HYI: variants seen among roughly 807,000 people sequenced by gnomAD.
HYI encodes hydroxypyruvate isomerase (putative), also known as putative hydroxypyruvate isomerase.
Under a neutral mutation model 39.7 loss-of-function variants are expected in HYI, and 47 were observed. That is an observed-to-expected ratio of 1.18 (90% CI 0.94 to 1.51). The LOEUF (loss-of-function observed/expected upper bound fraction) is 1.51, where lower values mean the gene tolerates loss of function less well. Ranked by LOEUF, HYI falls within the 40% of genes most tolerant of loss-of-function variation. The pLI is 0.00. For synonymous variants in HYI, 186 were observed against 158.8 expected, an observed-to-expected ratio of 1.17 and a Z score of -1.29; for missense variants, 465 against 370.3, an observed-to-expected ratio of 1.26 and a Z score of -2.10.
Position 43,453,646 on chromosome 1 carries a change from G to T in HYI, c.148C>A (p.Arg50Ser). Residue 50 changes from arginine (R) to serine (S), a missense_variant, in exon 1 of 8, where the codon CGC (arginine) becomes AGC (serine). Arg to Ser is a moderately radical substitution (Grantham distance 110). Transcript: ENST00000372430. ...CGCAGCCCCGCTTCTCGCGCGGCGCGCGCCAGCGCCTCAGGCGTCTCCGCG... is the reference window on the plus strand; with the variant it reads ...CGCAGCCCCGCTTCTCGCGCGGCGCTCGCCAGCGCCTCAGGCGTCTCCGCG... ...PYAETPEALA[R>S]AAREAGLRLV... 4 of 1,490,802 alleles carry T rather than the reference G, an allele frequency of 2.7e-6. No homozygotes were observed. The highest frequency in any genetic ancestry group is 3.5e-6 in the Non-Finnish European group (4 of 1,127,610). 92.3% of individuals were successfully genotyped at this position (1,490,802 alleles called of 1,614,324 possible). A position where few individuals can be genotyped will look rare whatever the true frequency, so the allele number is the denominator to read the frequency against.
chr1:43,450,649 C>T (rs1054332761), downstream of HYI: 12 of 1,040,066 alleles, frequency 1.2e-5, no homozygotes, highest in Admixed American at 2.9e-4. The surrounding 1 kb of genome is among the most constrained non-coding windows in gnomAD (Gnocchi z 4.3). Flanking sequence ...CCCAGCCTGG[C>T]AGCAGGAACC....
intron 6 of HYI, 44 bp downstream of exon 6, chr1:43,451,604 T>C (rs768074153): frequency 3.7e-6 from 6 of 1,613,556 alleles, no homozygotes; most frequent in Admixed American, 1.7e-5. Context: ...GAAGGACAGA[T>C]GTGGGGATTG....
At position 43,453,209 on chromosome 1, in the gene HYI, A is replaced by T. The variant is rs115834564; in HGVS notation, c.311+177T>A. On this transcript the variant is annotated intron_variant, in intron 2 of 7. Coordinates refer to ENST00000372430, the MANE Select transcript of HYI (RefSeq NM_001190880.3). ...GGGTGAGCATGAAAGAGTGGCAAAC[A>T]GAGTGGCATAAGACAGATAAAATAC... The T allele has an allele frequency of 1.1e-3, 718 of 640,360 alleles. 9 individuals carry two copies. Among genetic ancestry groups the T allele is most frequent in the African/African-American group, 0.011 (590 of 55,114 alleles). 39.7% of individuals were successfully genotyped at this position (640,360 alleles called of 1,614,324 possible).
rs373445250 is a variant in HYI, at chr1:43,451,950, C to A, written c.490G>T (p.Asp164Tyr). The A allele has an allele frequency of 2.7e-5, 43 of 1,612,010 alleles. No homozygotes were observed. The highest frequency in any genetic ancestry group is 3.6e-5 in the Non-Finnish European group (42 of 1,178,578). Residue 164 changes from aspartate (D) to tyrosine (Y), a missense_variant, in exon 4 of 8, where the codon GAC becomes TAC. Transcript: ENST00000372430. ...TRITDPQYFL[D>Y]TPQQAAAILQ... ...GGGGTCGTACCCTGCTGGGGCGTGTCCAGGAAGTACTGGGGGTCAGTGATG... is the reference window on the plus strand; with the variant it reads ...GGGGTCGTACCCTGCTGGGGCGTGTACAGGAAGTACTGGGGGTCAGTGATG...
At position 43,451,977 on chromosome 1, in the gene HYI, G is replaced by C. The variant is rs372078126; in HGVS notation, c.463C>G (p.Arg155Gly). The C allele has an allele frequency of 1.2e-6, 2 of 1,611,026 alleles. No individual in the cohort carries two copies. Among genetic ancestry groups the C allele is most frequent in the South Asian group, 1.1e-5 (1 of 90,878 alleles). ...AGGAAGTACTGGGGGTCAGTGATGC[G>C]GGTGTTGATGGGCTCCAGCAGTCCC... ...LVGLLEPINT[R>G]ITDPQYFLDT... Residue 155 changes from arginine to glycine, a missense_variant, in exon 4 of 8, where the codon CGC (arginine) becomes GGC (glycine). Arg to Gly is a moderately radical substitution (Grantham distance 125, BLOSUM62 -2). Coordinates refer to ENST00000372430, the MANE Select transcript of HYI (RefSeq NM_001190880.3).
At chr1:43,450,791 G>T, downstream of HYI, 1 of 709,992 alleles carries the variant, frequency 1.4e-6, no homozygotes, top group Non-Finnish European at 2.6e-6. The surrounding 1 kb of genome is among the most constrained non-coding windows in gnomAD (Gnocchi z 4.3). Flanking sequence ...GTTCACACAG[G>T]GTGGCAAACA....
In HYI at chr1:43,453,711, C is replaced by T. The variant is rs773566651; in HGVS notation, c.83G>A (p.Gly28Asp). The T allele has an allele frequency of 7.1e-7, 1 of 1,407,018 alleles. No individual in the cohort carries two copies. The highest frequency in any genetic ancestry group is 1.5e-5 in the South Asian group (1 of 65,016). 87.2% of individuals were successfully genotyped at this position (1,407,018 alleles called of 1,614,324 possible). A position where few individuals can be genotyped will look rare whatever the true frequency, so the allele number is the denominator to read the frequency against. Residue 28 changes from glycine (G) to aspartate (D), a missense_variant, in exon 1 of 8, where the codon GGC becomes GAC. By Grantham distance (94) the Gly-to-Asp change is moderately conservative. Coordinates refer to ENST00000372430, the MANE Select transcript of HYI (RefSeq NM_001190880.3). ...SGLPARVRAAGSSGFEAVEVA... is the reference protein window; with the variant it reads ...SGLPARVRAADSSGFEAVEVA... ...CTCGACGGCCTCGAAGCCCGAGCTG[C>T]CCGCGGCCCGCACCCGCGCGGGGAG...
downstream of HYI, chr1:43,450,964 G>A (rs760251702): frequency 6.6e-6 from 5 of 762,080 alleles, no homozygotes; most frequent in Admixed American, 8.5e-5. The surrounding 1 kb of genome is among the most constrained non-coding windows in gnomAD (Gnocchi z 4.3). Flanking sequence ...TGCCTTTGAA[G>A]CACTTGTGGC....
intron 3 of HYI, 59 bp from the exon 4 acceptor site, chr1:43,452,072 CAGTCACTGGTCA>C (rs1656498527): frequency 1.2e-5 from 18 of 1,555,256 alleles, no homozygotes; most frequent in Non-Finnish European, 1.4e-5. Flanking sequence ...CCCCATCAGT[CAGTCACTGGTCA>C]AGGCCCTCAC....
chr1:43,452,250 G>C lies in HYI; in HGVS notation c.381C>G (p.Ala127=), dbSNP rs777397095. Residue 127 remains alanine (A), a synonymous_variant, in exon 3 of 8, where the codon GCC becomes GCG. Transcript: ENST00000372430. ...DRIAVKAEME[A]VFLENLRHAA... ...CATGCCTCAGGTTCTCCAGAAAAAC[G>C]GCCTCCATCTCAGCCTTGACTGCTA... is the stretch of plus-strand genomic sequence containing the variant. 1 of 1,613,980 alleles carries C rather than the reference G, an allele frequency of 6.2e-7. No individual in the cohort carries two copies. The highest frequency in any genetic ancestry group is 1.7e-5 in the Admixed American group (1 of 59,990).
chr1:43,453,844 C>CGGCGGGCGGCGGGCGGCG lies in HYI; in HGVS notation c.-69_-52dup, dbSNP rs1656749347. The CGGCGGGCGGCGGGCGGCG allele has an allele frequency of 8.8e-7, 1 of 1,134,792 alleles. No homozygotes were observed. Among genetic ancestry groups the CGGCGGGCGGCGGGCGGCG allele is most frequent in the African/African-American group, 1.6e-5 (1 of 61,290 alleles). The allele number at this position is 1,134,792 out of a possible 1,614,324, so 70.3% of individuals were successfully genotyped here. A position where few individuals can be genotyped will look rare whatever the true frequency, so the allele number is the denominator to read the frequency against. ...GTCCGCGGGATCCAAAGGCGGCGGG[C>CGGCGGGCGGCGGGCGGCG]GGCGGGCGGCGGGCGGCGGGCGGGG... is the stretch of plus-strand genomic sequence containing the variant. On this transcript the variant is annotated 5_prime_UTR_variant, in exon 1 of 8. Transcript: ENST00000372430.
Position 43,451,477 on chromosome 1 carries a change from G to A in HYI, c.693C>T (p.Pro231=), listed in dbSNP as rs763735543. 1 of 1,614,130 alleles carries A rather than the reference G, an allele frequency of 6.2e-7. No homozygotes were observed. The highest frequency in any genetic ancestry group is 1.1e-5 in the South Asian group (1 of 91,086). Residue 231 remains proline, a synonymous_variant, in exon 7 of 8, where the codon CCC becomes CCT. Coordinates refer to ENST00000372430, the MANE Select transcript of HYI (RefSeq NM_001190880.3). Reference sequence around the variant, plus strand: ...CATCTTCCAGCAGTTGAAACAGATAGGGGAAATTCAGCTCTCCGGGGCTGC... The same window carrying A: ...CATCTTCCAGCAGTTGAAACAGATAAGGGAAATTCAGCTCTCCGGGGCTGC... The part of the protein sequence containing the change: ...EPSSPGELNF[P]YLFQLLEDEG...
chr1:43,453,661 G>C lies in HYI; in HGVS notation c.133C>G (p.Pro45Ala). Residue 45 changes from proline (P) to alanine (A), a missense_variant, in exon 1 of 8, where the codon CCT (proline) becomes GCT (alanine). By Grantham distance (27) the Pro-to-Ala change is conservative (BLOSUM62 -1). Transcript: ENST00000372430. ...CGCGCGGCGCGCGCCAGCGCCTCAG[G>C]CGTCTCCGCGTACGGCCAGGCCACC... The part of the protein sequence containing the change: ...VEVAWPYAET[P>A]EALARAAREA... The C allele has an allele frequency of 6.7e-7, 1 of 1,484,984 alleles. No individual in the cohort carries two copies. The highest frequency in any genetic ancestry group is 8.9e-7 in the Non-Finnish European group (1 of 1,125,616). The allele number at this position is 1,484,984 out of a possible 1,614,324, so 92.0% of individuals were successfully genotyped here.
At chr1:43,453,357 AGGGGTG>A (rs1656649321) in intron 2 of HYI, 23 bp downstream of exon 2, 8 of 885,964 alleles carry the variant, frequency 9.0e-6, no homozygotes, top group Non-Finnish European at 9.6e-6. Context: ...CATGGGTCAC[AGGGGTG>A]GGGGTGGGGT....
intron 3 of HYI, 87 bp downstream of exon 3, chr1:43,452,118 A>G: frequency 6.7e-7 from 1 of 1,493,344 alleles, no homozygotes; most frequent in Admixed American, 1.8e-5. Context: ...CTAGGCTGGC[A>G]GCCTCACGTG....
Position 43,453,730 on chromosome 1 carries a change from CG to C in HYI, c.63del (p.Ala22ArgfsTer40). 7.2e-7 allele frequency: 1 copy of C among 1,386,800 alleles called. No individual in the cohort carries two copies. Among genetic ancestry groups the C allele is most frequent in the Non-Finnish European group, 9.2e-7 (1 of 1,082,210 alleles). 85.9% of individuals were successfully genotyped at this position (1,386,800 alleles called of 1,614,324 possible). On this transcript the variant is annotated frameshift_variant, in exon 1 of 8. Coordinates refer to ENST00000372430, the MANE Select transcript of HYI (RefSeq NM_001190880.3). LOFTEE classifies it high-confidence loss of function. ...GAGCTGCCCGCGGCCCGCACCCGCG[CG>C]GGGAGGCCGGAGAGCTCGGGGAATA... ...SWLFPELSGL[P>X]ARVRAAGSSG...
downstream of HYI, chr1:43,450,792 G>A (rs1473611666): frequency 1.4e-6 from 1 of 710,018 alleles, no homozygotes; most frequent in African/African-American, 1.7e-5. The surrounding 1 kb of genome is among the most constrained non-coding windows in gnomAD (Gnocchi z 4.3). Flanking sequence ...TTCACACAGG[G>A]TGGCAAACAC....
chr1:43,450,625 T>C (rs550604717), downstream of HYI: 23 of 1,265,222 alleles, frequency 1.8e-5, no homozygotes, highest in African/African-American at 4.5e-5. The surrounding 1 kb of genome is among the most constrained non-coding windows in gnomAD (Gnocchi z 4.3). Flanking sequence ...AACTATGTCT[T>C]GAGGGTCTGC....
At chr1:43,452,918 A>T (rs992440353) in intron 2 of HYI, 2 of 1,605,690 alleles carry the variant, frequency 1.2e-6, no homozygotes, top group South Asian at 1.1e-5. Context: ...CAGCCTCAGG[A>T]ACGCTGCCAA....
Sources: allele counts gnomAD v4.1 joint callset, GRCh38; gene constraint gnomAD v4.1.1; non-coding constraint Gnocchi (gnomAD v3.1); transcripts MANE v1.5; gene names NCBI Gene and HGNC (gene_info 2026-07-23, HGNC 2026-07-21).